The following CDH18 variants were observed in gnomAD, a reference collection of about 807,000 sequenced individuals.
CDH18 encodes the protein cadherin 18.
CDH18 carries 31 observed loss-of-function variants against 67.9 expected under a neutral mutation model. The observed-to-expected ratio is 0.46, with a 90% CI of 0.34 to 0.62. The LOEUF is 0.62. Ranked by LOEUF, CDH18 falls within the 20% of genes least tolerant of loss-of-function variation. The pLI is 0.01. For missense variants in CDH18, 890 were observed against 975.5 expected (o/e 0.91, Z 1.17); for synonymous variants, 362 against 347.2 (o/e 1.04, Z -0.48).
At chr5:19,559,388 G>A (rs1739027629) in intron 8 of CDH18, among the ~76,000 whole-genome samples, 1 of 152,020 alleles carries the variant, frequency 6.6e-6, no homozygotes, top group Admixed American at 6.6e-5. Flanking sequence ...GTCAATAAAT[G>A]TGGTACACCA....
intron 5 of CDH18, among the ~76,000 whole-genome samples, chr5:19,665,717 A>G: frequency 6.6e-6 from 1 of 152,108 alleles, no homozygotes; most frequent in South Asian, 2.1e-4. Context: ...TTTCTCATGG[A>G]AATGGGTAAT....
chr5:20,215,730 C>T (rs1019665683), intron 2 of CDH18, among the ~76,000 whole-genome samples: 4 of 151,788 alleles, frequency 2.6e-5, no homozygotes, highest in African/African-American at 7.3e-5. Flanking sequence ...AACCTAAATA[C>T]CCATAAGTGG....
intron 2 of CDH18, among the ~76,000 whole-genome samples, chr5:20,065,322 T>G (rs2150515588): frequency 6.6e-6 from 1 of 152,140 alleles, no homozygotes; most frequent in Admixed American, 6.6e-5. Flanking sequence ...TGATTTGGCT[T>G]AAAATGTTAA....
At chr5:19,988,658 C>T (rs1388457000), upstream of CDH18, among the ~76,000 whole-genome samples, 1 of 151,918 alleles carries the variant, frequency 6.6e-6, no homozygotes, top group East Asian at 2.0e-4. Context: ...GGAGTAGCCA[C>T]CGGGAGGGAC....
chr5:19,766,688 A>T (rs906727585), intron 3 of CDH18, among the ~76,000 whole-genome samples: 12 of 152,156 alleles, frequency 7.9e-5, no homozygotes, highest in Admixed American at 5.2e-4. Flanking sequence ...TTCACTCTGA[A>T]TTTCAGCAAA....
At chr5:20,550,706 C>T (rs1757585072) in intron 1 of CDH18, among the ~76,000 whole-genome samples, 1 of 152,108 alleles carries the variant, frequency 6.6e-6, no homozygotes, top group Non-Finnish European at 1.5e-5. Context: ...CACTTAGAGC[C>T]CACCTGCTTT....
At chr5:20,280,192 T>A (rs1746140052) in intron 1 of CDH18, among the ~76,000 whole-genome samples, 3 of 151,972 alleles carry the variant, frequency 2.0e-5, no homozygotes, top group South Asian at 4.1e-4. Flanking sequence ...TTATTTATTT[T>A]ATTTATTTTT....
intron 2 of CDH18, among the ~76,000 whole-genome samples, chr5:19,887,816 C>T (rs191189974): frequency 1.3e-4 from 20 of 151,996 alleles, no homozygotes; most frequent in Admixed American, 1.3e-3. Context: ...AAGCAAGCCT[C>T]CTGCCTCAGC....
chr5:19,939,717 A>C (rs888517445), intron 2 of CDH18, among the ~76,000 whole-genome samples: 32 of 151,856 alleles, frequency 2.1e-4, no homozygotes, highest in Non-Finnish European at 4.0e-4. Flanking sequence ...TATAATGTAA[A>C]GCAAAGCTTT....
chr5:19,515,303 T>C (rs540137114), intron 10 of CDH18, among the ~76,000 whole-genome samples: 1 of 152,144 alleles, frequency 6.6e-6, no homozygotes, highest in East Asian at 1.9e-4. Context: ...TTGTTCTTTT[T>C]GCTTAGGATT....
intron 5 of CDH18, among the ~76,000 whole-genome samples, chr5:19,720,459 C>T (rs1356655380): frequency 6.6e-6 from 1 of 151,954 alleles, no homozygotes; most frequent in Admixed American, 6.6e-5. Flanking sequence ...TTTAGAAAAA[C>T]TTGAGATTTG....
intron 2 of CDH18, among the ~76,000 whole-genome samples, chr5:20,219,848 T>C (rs894263079): frequency 6.6e-6 from 1 of 151,786 alleles, no homozygotes; most frequent in African/African-American, 2.4e-5. Context: ...AAGTCACATA[T>C]GAGACACTCT....
At chr5:19,980,061 A>T (rs2150358741) in intron 2 of CDH18, among the ~76,000 whole-genome samples, 1 of 152,250 alleles carries the variant, frequency 6.6e-6, no homozygotes, top group South Asian at 2.1e-4. Context: ...GAAAACCTTA[A>T]AGACTACTCC....
chr5:19,977,687 C>T (rs1157594651), intron 2 of CDH18, among the ~76,000 whole-genome samples: 1 of 147,912 alleles, frequency 6.8e-6, no homozygotes, highest in African/African-American at 2.4e-5. Context: ...TGCCTTAATC[C>T]ATTCTTTTAT....
At chr5:20,256,692 A>G (rs773016887) in intron 1 of CDH18, among the ~76,000 whole-genome samples, 40 of 152,144 alleles carry the variant, frequency 2.6e-4, no homozygotes, top group Admixed American at 9.2e-4. Context: ...AGATGTGTCA[A>G]TGTTCATCAA....
chr5:20,421,660 T>C (rs1747869492), intron 1 of CDH18, among the ~76,000 whole-genome samples: 1 of 150,956 alleles, frequency 6.6e-6, no homozygotes, highest in African/African-American at 2.5e-5. Flanking sequence ...GAGTCATGGG[T>C]TAGCATGAAG....
In CDH18 at chr5:19,858,975, A is replaced by C. The variant is rs528167776; in HGVS notation, c.-256-19733T>G. Among the ~76,000 whole-genome samples, 46 of 152,166 alleles carry C rather than the reference A, an allele frequency of 3.0e-4. 1 individual carries two copies. The highest frequency in any genetic ancestry group is 5.1e-4 in the Non-Finnish European group (35 of 68,034). ...ACTGAGCATGAAAAATGAAAAAAAA[A>C]CTATTTTATTGAGATATTAATTATG... On this transcript the variant is annotated intron_variant, in intron 2 of 12. Transcript: ENST00000382275.
intron 6 of CDH18, among the ~76,000 whole-genome samples, chr5:19,604,611 T>C (rs1747737959): frequency 6.6e-6 from 1 of 151,124 alleles, no homozygotes; most frequent in African/African-American, 2.4e-5. Context: ...TTTAAGAGAC[T>C]TAAGCTGAAT....
intron 5 of CDH18, among the ~76,000 whole-genome samples, chr5:19,667,072 T>C (rs1758058346): frequency 1.3e-5 from 2 of 152,040 alleles, no homozygotes; most frequent in Non-Finnish European, 2.9e-5. Context: ...TTTCTTAATT[T>C]ATTATGCTTG....
Sources: gnomAD v4.1 joint callset for allele counts (sites outside exome capture counted in the v4.1 genomes callset) on GRCh38, gnomAD v4.1.1 for gene constraint, MANE v1.5 for transcripts, NCBI Gene and HGNC (gene_info 2026-07-23, HGNC 2026-07-21) for gene names.